The following PCDHA3 variants were observed in gnomAD, a reference collection of about 807,000 sequenced individuals.
PCDHA3 encodes protocadherin alpha-3.
In PCDHA3, 41 loss-of-function variants were observed where a neutral mutation model predicts 62.2. That is an observed-to-expected ratio of 0.66 (90% CI 0.51 to 0.86). PCDHA3 has a LOEUF of 0.86. Among genes scored for constraint, PCDHA3 ranks in the 40% least tolerant of loss-of-function variants. The probability of loss-of-function intolerance (pLI) is 0.00; values close to 1 mark genes in which losing one functional copy is unlikely to be tolerated. For synonymous variants in PCDHA3, 640 were observed against 555.4 expected (o/e 1.15, Z -2.14); for missense variants, 1,304 against 1,241.2 (o/e 1.05, Z -0.76).
At position 140,822,842 on chromosome 5, in the gene PCDHA3, T is replaced by C. The variant is rs1554128917; in HGVS notation, c.2394+19251T>C. 3 of 1,614,234 alleles carry C rather than the reference T, an allele frequency of 1.9e-6. No individual in the cohort carries two copies. The South Asian group carries it at 3.3e-5, about 18-fold the overall frequency. On this transcript the variant is annotated intron_variant, in intron 1 of 3. Coordinates refer to ENST00000522353, the MANE Select transcript of PCDHA3 (RefSeq NM_018906.3). The stretch of plus-strand genomic sequence containing the variant: ...GAGATGGCCATAACCACCCTTTTCC[T>C]GCCTGTCAAAGAGGACGCTCCACTC...
At chr5:140,972,027 C>A (rs2096514532) in intron 1 of PCDHA3, among the ~76,000 whole-genome samples, 1 of 152,110 alleles carries the variant, frequency 6.6e-6, no homozygotes, top group African/African-American at 2.4e-5. Flanking sequence ...GATATTCAGG[C>A]ATTTAAGCTA....
intron 3 of PCDHA3, among the ~76,000 whole-genome samples, chr5:140,997,970 G>A (rs2097791868): frequency 2.0e-5 from 3 of 152,106 alleles, no homozygotes; most frequent in Admixed American, 2.0e-4. Context: ...ACCTGTGGTT[G>A]GACTGCACTT....
At chr5:141,005,696 C>A (rs1269379462) in intron 3 of PCDHA3, among the ~76,000 whole-genome samples, 1 of 105,034 alleles carries the variant, frequency 9.5e-6, no homozygotes, top group African/African-American at 4.2e-5. Flanking sequence ...AGCGAAACTC[C>A]GTCTCAAAAA....
rs556783584 is a variant in PCDHA3 at position 140,882,446 on chromosome 5, G to A, written c.2394+78855G>A. ...CCTGGGGCTGGAGCTGGCGGAGCTG[G>A]TGCCGCGCCTGTTCCGGGTGGCGTC... On this transcript the variant is annotated intron_variant, in intron 1 of 3. Coordinates refer to ENST00000522353, the MANE Select transcript of PCDHA3 (RefSeq NM_018906.3). 1.9e-5 allele frequency: 30 copies of A among 1,614,042 alleles called. No individual in the cohort carries two copies. The highest frequency in any genetic ancestry group is 1.0e-4 in the Admixed American group (6 of 60,036).
chr5:140,830,787 T>C (rs1771244520), intron 1 of PCDHA3: 1 of 162,314 alleles, frequency 6.2e-6, no homozygotes, highest in Non-Finnish European at 1.3e-5. Flanking sequence ...TTTTTTCTGA[T>C]TAATTATATG....
chr5:140,963,551 G>C (rs2095774327), intron 1 of PCDHA3, among the ~76,000 whole-genome samples: 1 of 152,158 alleles, frequency 6.6e-6, no homozygotes, highest in African/African-American at 2.4e-5. Flanking sequence ...GATATAAAAA[G>C]GGGCTGTTTT....
intron 1 of PCDHA3, among the ~76,000 whole-genome samples, chr5:140,904,545 C>A (rs2071206893): frequency 6.6e-6 from 1 of 151,876 alleles, no homozygotes; most frequent in Admixed American, 6.6e-5. Context: ...GTATCTTTTT[C>A]ATATAATGAC....
At chr5:140,870,745 G>A (rs369212308) in intron 1 of PCDHA3, 1 of 1,613,530 alleles carries the variant, frequency 6.2e-7, no homozygotes, top group South Asian at 1.1e-5. Context: ...GAGCAGCAAC[G>A]TGACGCTGCA....
At chr5:140,824,011 AGCTGGTCGTACTC>A (rs1227166716) in intron 1 of PCDHA3, 2 of 1,613,900 alleles carry the variant, frequency 1.2e-6, no homozygotes, top group Non-Finnish European at 1.7e-6. Context: ...CGCGGTGGGG[AGCTGGTCGTACTC>A]GCAGCAGAGG....
chr5:140,951,966 C>G (rs1554220177), intron 1 of PCDHA3, among the ~76,000 whole-genome samples: 1 of 152,128 alleles, frequency 6.6e-6, no homozygotes, highest in African/African-American at 2.4e-5. Flanking sequence ...GGTAAATACT[C>G]CTGTTCCAAA....
rs2150350980 is a variant in PCDHA3 at position 140,843,047 on chromosome 5, G to A, written c.2394+39456G>A. On this transcript the variant is annotated intron_variant, in intron 1 of 3. Coordinates refer to ENST00000522353, the MANE Select transcript of PCDHA3 (RefSeq NM_018906.3). ...GCCTCGGGTGGGTGGCACTGGTGGC[G>A]CAGCGAGCAAGCTGGTGCCGCGGTC... 9.4e-6 allele frequency: 15 copies of A among 1,595,052 alleles called. 2 individuals carry two copies. The highest frequency in any genetic ancestry group is 1.2e-5 in the Non-Finnish European group (14 of 1,165,268).
chr5:140,941,506 G>T (rs556309408), intron 1 of PCDHA3, among the ~76,000 whole-genome samples: 1 of 151,236 alleles, frequency 6.6e-6, no homozygotes, highest in South Asian at 2.1e-4. Flanking sequence ...TAGTAGAGAC[G>T]AGGTTTCACC....
chr5:140,888,129 A>G (rs2061706592), intron 1 of PCDHA3, among the ~76,000 whole-genome samples: 2 of 152,024 alleles, frequency 1.3e-5, no homozygotes, highest in Admixed American at 1.3e-4. Flanking sequence ...CTATGGATAT[A>G]TTTTCTTGCT....
At chr5:140,989,363 T>A (rs2097339689) in intron 3 of PCDHA3, among the ~76,000 whole-genome samples, 1 of 152,158 alleles carries the variant, frequency 6.6e-6, no homozygotes, top group Non-Finnish European at 1.5e-5. Flanking sequence ...GTCACCTGTG[T>A]GACTGAGAGC....
intron 1 of PCDHA3, among the ~76,000 whole-genome samples, chr5:140,837,516 C>CG (rs149634951): frequency 0.56 from 85,489 of 151,592 alleles, 24,966 homozygotes; most frequent in African/African-American, 0.67. Flanking sequence ...AAGCAGTTTA[C>CG]TTTTTTTGTA....
chr5:140,872,347 C>T (rs556222685), intron 1 of PCDHA3, among the ~76,000 whole-genome samples: 44 of 152,200 alleles, frequency 2.9e-4, no homozygotes, highest in African/African-American at 1.0e-3. Context: ...CATGTTCTTG[C>T]CAGGCAAAGT....
At chr5:140,821,549 A>G in intron 1 of PCDHA3, 1 of 502,610 alleles carries the variant, frequency 2.0e-6, no homozygotes, top group African/African-American at 1.9e-5. Flanking sequence ...CCTTTCATCC[A>G]CATGATGTCG....
intron 1 of PCDHA3, among the ~76,000 whole-genome samples, chr5:140,948,646 G>A (rs1030231985): frequency 3.3e-5 from 5 of 151,616 alleles, no homozygotes; most frequent in South Asian, 2.1e-4. Context: ...ATCTTTTAAC[G>A]TCTGTATAAT....
chr5:140,858,695 T>C (rs563307566), intron 1 of PCDHA3: 3 of 571,446 alleles, frequency 5.2e-6, no homozygotes, highest in Admixed American at 3.6e-5. Flanking sequence ...TATTTTCCAA[T>C]ACAAATATGT....
Sources: gnomAD v4.1 joint callset for allele counts (sites outside exome capture counted in the v4.1 genomes callset) on GRCh38, gnomAD v4.1.1 for gene constraint, MANE v1.5 for transcripts, NCBI Gene and HGNC (gene_info 2026-07-23, HGNC 2026-07-21) for gene names.